The following HS3ST2 variants were observed in gnomAD, a reference collection of about 807,000 sequenced individuals.
HS3ST2 encodes the protein heparan sulfate glucosamine 3-O-sulfotransferase 2.
Under a neutral mutation model 26.3 loss-of-function variants are expected in HS3ST2, and 17 were observed. The ratio of observed to expected loss-of-function variants is 0.65; its 90% confidence interval spans 0.44 to 0.97. The LOEUF is 0.97. Ranked by LOEUF, HS3ST2 falls within the 50% of genes least tolerant of loss-of-function variation. The probability of loss-of-function intolerance (pLI) is 0.00; values close to 1 mark genes in which losing one functional copy is unlikely to be tolerated. For synonymous variants in HS3ST2, 237 were observed against 219.2 expected, an observed-to-expected ratio of 1.08 and a Z score of -0.72; for missense variants, 402 against 501.2, an observed-to-expected ratio of 0.80 and a Z score of 1.89.
chr16:22,906,623 T>C (rs1902357941), intron 1 of HS3ST2, among the ~76,000 whole-genome samples: 1 of 152,220 alleles, frequency 6.6e-6, no homozygotes, highest in South Asian at 2.1e-4. Context: ...TCTACCTTCC[T>C]ACATTTGGAA....
At chr16:22,852,325 G>T (rs1026412553) in intron 1 of HS3ST2, among the ~76,000 whole-genome samples, 7 of 152,142 alleles carry the variant, frequency 4.6e-5, no homozygotes, top group African/African-American at 1.7e-4. Context: ...TTTGTGGGAG[G>T]TTTTAAAATG....
rs533446278 is a variant in HS3ST2, at chr16:22,814,539, C to T, written c.-72C>T. 413 of 1,417,996 alleles carry T rather than the reference C, an allele frequency of 2.9e-4. 1 individual carries two copies. In the African/African-American group the frequency reaches 5.4e-3, roughly 19 times the overall value. 87.8% of individuals were successfully genotyped at this position (1,417,996 alleles called of 1,614,324 possible). On this transcript the variant is annotated 5_prime_UTR_variant, in exon 1 of 2. Transcript: ENST00000261374. ...GCGCCACGCGAGCCCTCTAGGCGAC[C>T]GCAGGGCCACAGCAGCTCAGCCGCC...
intron 1 of HS3ST2, among the ~76,000 whole-genome samples, chr16:22,860,100 T>C (rs1901654368): frequency 6.6e-6 from 1 of 152,150 alleles, no homozygotes; most frequent in Admixed American, 6.5e-5. Flanking sequence ...ATTGCCCTCT[T>C]CCCTTGTATT....
intron 1 of HS3ST2, among the ~76,000 whole-genome samples, chr16:22,876,477 TA>T (rs968502488): frequency 1.9e-4 from 29 of 152,128 alleles, no homozygotes; most frequent in Non-Finnish European, 3.5e-4. Context: ...TGCATATTTT[TA>T]AAAAAATTAA....
chr16:22,822,601 C>T (rs1215029506), intron 1 of HS3ST2, among the ~76,000 whole-genome samples: 1 of 152,130 alleles, frequency 6.6e-6, no homozygotes, highest in Non-Finnish European at 1.5e-5. Context: ...CGCCTGTAAT[C>T]CCAGCACTTT....
chr16:22,849,379 C>T (rs1901488621), intron 1 of HS3ST2, among the ~76,000 whole-genome samples: 2 of 152,126 alleles, frequency 1.3e-5, no homozygotes, highest in African/African-American at 4.8e-5. Flanking sequence ...GTCTGCAATA[C>T]AGAAATGTTA....
chr16:22,836,646 T>C (rs1243702576), intron 1 of HS3ST2, among the ~76,000 whole-genome samples: 1 of 152,098 alleles, frequency 6.6e-6, no homozygotes, highest in Non-Finnish European at 1.5e-5. Flanking sequence ...GCTGTGCAAG[T>C]TTAGGAATAT....
At chr16:22,821,768 C>T (rs1900997879) in intron 1 of HS3ST2, among the ~76,000 whole-genome samples, 1 of 152,208 alleles carries the variant, frequency 6.6e-6, no homozygotes, top group East Asian at 1.9e-4. Context: ...CTGTGAGGTT[C>T]ACAAGCAGCT....
At chr16:22,822,012 A>G (rs1218419038) in intron 1 of HS3ST2, among the ~76,000 whole-genome samples, 3 of 152,166 alleles carry the variant, frequency 2.0e-5, no homozygotes, top group Non-Finnish European at 4.4e-5. Flanking sequence ...ACCAGCCACC[A>G]TGAACACTCC....
chr16:22,873,632 A>G (rs1901868136), intron 1 of HS3ST2, among the ~76,000 whole-genome samples: 1 of 152,226 alleles, frequency 6.6e-6, no homozygotes, highest in Admixed American at 6.5e-5. Flanking sequence ...CTATCCTGGT[A>G]ACCTCTGACA....
At chr16:22,824,608 G>A (rs1305304308) in intron 1 of HS3ST2, among the ~76,000 whole-genome samples, 1 of 152,148 alleles carries the variant, frequency 6.6e-6, no homozygotes, top group Non-Finnish European at 1.5e-5. Flanking sequence ...ACAGGGCTGG[G>A]TAGGATGTCA....
chr16:22,844,452 A>T (rs1253540585), intron 1 of HS3ST2, among the ~76,000 whole-genome samples: 1 of 152,160 alleles, frequency 6.6e-6, no homozygotes, highest in Non-Finnish European at 1.5e-5. Context: ...GCAGAGTCAC[A>T]GTTCCAGGTA....
In HS3ST2 at chr16:22,871,202, A is replaced by G. The variant is rs558322723; in HGVS notation, c.486-43742A>G. On this transcript the variant is annotated intron_variant, in intron 1 of 1. Coordinates refer to ENST00000261374, the MANE Select transcript of HS3ST2 (RefSeq NM_006043.2). ...GAAACCCCGTCTCTACTAAAAATAC[A>G]AAAATTAGCTGGGCGTGATGGTGCA... 8.5e-5 allele frequency among the ~76,000 whole-genome samples: 13 copies of G among 152,246 alleles called. No individual in the cohort carries two copies. The South Asian group carries it at 2.7e-3, about 32-fold the overall frequency.
At chr16:22,895,751 T>C (rs1315950623) in intron 1 of HS3ST2, among the ~76,000 whole-genome samples, 3 of 152,156 alleles carry the variant, frequency 2.0e-5, no homozygotes, top group African/African-American at 4.8e-5. Context: ...TTTTGTTATA[T>C]GGCCACACAA....
At chr16:22,895,126 G>C (rs1567498912) in intron 1 of HS3ST2, among the ~76,000 whole-genome samples, 1 of 138,908 alleles carries the variant, frequency 7.2e-6, no homozygotes, top group Non-Finnish European at 1.5e-5. Flanking sequence ...GTTTCGCTCT[G>C]TTGCCCAGAC....
chr16:22,898,108 A>G (rs1902231339), intron 1 of HS3ST2, among the ~76,000 whole-genome samples: 1 of 152,182 alleles, frequency 6.6e-6, no homozygotes, highest in Non-Finnish European at 1.5e-5. Flanking sequence ...AACAAGCACA[A>G]TATTTGGTGG....
intron 1 of HS3ST2, among the ~76,000 whole-genome samples, chr16:22,818,819 T>C (rs373413856): frequency 3.0e-3 from 65 of 21,648 alleles, no homozygotes; most frequent in Non-Finnish European, 3.5e-3. Flanking sequence ...CCTTCCTTCC[T>C]TCCTTCCTTC....
chr16:22,898,590 A>G, intron 1 of HS3ST2, among the ~76,000 whole-genome samples: 1 of 152,176 alleles, frequency 6.6e-6, no homozygotes, highest in Non-Finnish European at 1.5e-5. Context: ...GGGATTCAAG[A>G]GTGTCTGCTA....
intron 1 of HS3ST2, among the ~76,000 whole-genome samples, chr16:22,884,965 C>T (rs1243314903): frequency 2.6e-5 from 4 of 151,660 alleles, no homozygotes; most frequent in Non-Finnish European, 2.9e-5. Context: ...CTCTGCCTCC[C>T]GAGTAGCTAG....
Sources: gnomAD v4.1 joint callset for allele counts (sites outside exome capture counted in the v4.1 genomes callset) on GRCh38, gnomAD v4.1.1 for gene constraint, MANE v1.5 for transcripts, NCBI Gene and HGNC (gene_info 2026-07-23, HGNC 2026-07-21) for gene names.